Variants in C12orf42 observed in about 807,000 individuals in gnomAD.
C12orf42 encodes chromosome 12 open reading frame 42, also known as uncharacterized protein C12orf42.
C12orf42 carries 25 observed loss-of-function variants against 21.6 expected under a neutral mutation model. The ratio of observed to expected loss-of-function variants is 1.16; its 90% CI spans 0.84 to 1.62. The LOEUF (loss-of-function observed/expected upper bound fraction) is 1.62. Among genes scored for constraint, C12orf42 ranks in the 40% most tolerant of loss-of-function variants. The pLI is 0.00. For synonymous variants in C12orf42, 174 were observed against 175.0 expected, an observed-to-expected ratio of 0.99 and a Z score of 0.05; for missense variants, 483 against 459.3, an observed-to-expected ratio of 1.05 and a Z score of -0.47.
chr12:103,256,782 G>A (rs993032663), intron 10 of C12orf42, among the ~76,000 whole-genome samples: 1 of 152,164 alleles, frequency 6.6e-6, no homozygotes, highest in African/African-American at 2.4e-5. Flanking sequence ...GCCTAAAACA[G>A]AAGATTCTTG....
At chr12:103,548,260 G>T in the C12orf42 span, among the ~76,000 whole-genome samples, 1 of 152,138 alleles carries the variant, frequency 6.6e-6, no homozygotes, top group African/African-American at 2.4e-5. Context: ...ATGGACAAGT[G>T]TTTAAAAAAG....
chr12:103,221,170 T>C, the C12orf42 span, among the ~76,000 whole-genome samples: 1 of 152,240 alleles, frequency 6.6e-6, no homozygotes, highest in Admixed American at 6.5e-5. Context: ...ACAGAGAGGA[T>C]TATAGAACAT....
chr12:103,435,404 T>G (rs2139423478), intron 2 of C12orf42, among the ~76,000 whole-genome samples: 1 of 152,356 alleles, frequency 6.6e-6, no homozygotes, highest in Middle Eastern at 3.4e-3. Context: ...GGATGGAGAA[T>G]GACTTTGATG....
chr12:103,467,716 C>T (rs1319471936), intron 2 of C12orf42, among the ~76,000 whole-genome samples: 5 of 152,154 alleles, frequency 3.3e-5, no homozygotes, highest in Non-Finnish European at 7.3e-5. Context: ...ATGCCCATTG[C>T]CATAAGTAAT....
intron 10 of C12orf42, among the ~76,000 whole-genome samples, chr12:103,248,201 AT>A (rs2034106112): frequency 6.6e-6 from 1 of 151,998 alleles, no homozygotes; most frequent in Non-Finnish European, 1.5e-5. Flanking sequence ...AGAAAACTTC[AT>A]TTTCTTTGTA....
intron 4 of C12orf42, among the ~76,000 whole-genome samples, chr12:103,331,823 G>T (rs117217826): frequency 1.8e-4 from 28 of 152,150 alleles, no homozygotes; most frequent in African/African-American, 2.2e-4. Context: ...GATAAGGAGG[G>T]TATCTATAGT....
At chr12:103,121,613 C>T in the C12orf42 span, among the ~76,000 whole-genome samples, 1 of 152,200 alleles carries the variant, frequency 6.6e-6, no homozygotes, top group Non-Finnish European at 1.5e-5. Context: ...TGCCCAGTGA[C>T]CACGCTATCA....
chr12:103,443,748 C>G (rs542301173), intron 2 of C12orf42, among the ~76,000 whole-genome samples: 1 of 151,896 alleles, frequency 6.6e-6, no homozygotes, highest in Non-Finnish European at 1.5e-5. Context: ...TTGGCACATA[C>G]CATAAAGGGT....
the C12orf42 span, among the ~76,000 whole-genome samples, chr12:103,229,390 C>A: frequency 6.6e-6 from 1 of 152,012 alleles, no homozygotes; most frequent in South Asian, 2.1e-4. Flanking sequence ...ATTCTCTCAG[C>A]GATTCAAAAA....
intron 3 of C12orf42, among the ~76,000 whole-genome samples, chr12:103,373,668 TACC>T (rs1236831144): frequency 6.6e-6 from 1 of 152,252 alleles, no homozygotes; most frequent in African/African-American, 2.4e-5. Context: ...ATGAAAAATG[TACC>T]ACCACTGCAG....
At chr12:103,199,953 G>A in the C12orf42 span, among the ~76,000 whole-genome samples, 3 of 152,268 alleles carry the variant, frequency 2.0e-5, no homozygotes, top group South Asian at 4.1e-4. Context: ...TGGAACAACC[G>A]TATGATCCAG....
upstream of C12orf42, among the ~76,000 whole-genome samples, chr12:103,498,542 T>C (rs1418668870): frequency 6.6e-6 from 1 of 152,098 alleles, no homozygotes; most frequent in African/African-American, 2.4e-5. Flanking sequence ...GGACATTAGG[T>C]TAAATAAACC....
At chr12:103,316,613 C>CA (rs1041395002) in intron 4 of C12orf42, among the ~76,000 whole-genome samples, 26 of 152,050 alleles carry the variant, frequency 1.7e-4, no homozygotes, top group African/African-American at 5.1e-4. Flanking sequence ...TGTTTCATTC[C>CA]AAAAAAGCCC....
the C12orf42 span, among the ~76,000 whole-genome samples, chr12:103,123,103 G>T: frequency 8.5e-5 from 13 of 152,216 alleles, no homozygotes; most frequent in Non-Finnish European, 1.9e-4. Context: ...TACAGAAACT[G>T]ATCCAAGTCA....
At chr12:103,544,052 C>G in the C12orf42 span, among the ~76,000 whole-genome samples, 1 of 151,906 alleles carries the variant, frequency 6.6e-6, no homozygotes, top group Admixed American at 6.6e-5. Flanking sequence ...TGCCACCACG[C>G]CCAGCTAATT....
the C12orf42 span, among the ~76,000 whole-genome samples, chr12:103,225,072 G>A: frequency 2.0e-5 from 3 of 152,058 alleles, no homozygotes; most frequent in Non-Finnish European, 4.4e-5. Context: ...GTAATTTGCT[G>A]AGCCTAATGG....
intron 3 of C12orf42, among the ~76,000 whole-genome samples, chr12:103,376,371 G>T (rs550276284): frequency 6.6e-6 from 1 of 151,888 alleles, no homozygotes; most frequent in Non-Finnish European, 1.5e-5. Flanking sequence ...ACACACGGAC[G>T]CAGGGAGGGG....
chr12:103,218,620 A>C, the C12orf42 span, among the ~76,000 whole-genome samples: 1 of 152,164 alleles, frequency 6.6e-6, no homozygotes, highest in African/African-American at 2.4e-5. Flanking sequence ...AGAGGTGTCT[A>C]CTTTTTATTT....
At chr12:103,073,313 A>G in the C12orf42 span, among the ~76,000 whole-genome samples, 1 of 152,180 alleles carries the variant, frequency 6.6e-6, no homozygotes, top group Non-Finnish European at 1.5e-5. Context: ...CTGCATGTGT[A>G]CCCTCAAATT....
Sources: allele counts gnomAD v4.1 joint callset (sites outside exome capture counted in the v4.1 genomes callset), GRCh38; gene constraint gnomAD v4.1.1; transcripts MANE v1.5; gene names NCBI Gene and HGNC (gene_info 2026-07-23, HGNC 2026-07-21).